Variants in SFMBT2 observed in about 807,000 individuals in gnomAD.
SFMBT2 encodes Scm like with four mbt domains 2, also known as scm-like with four MBT domains protein 2.
Under a neutral mutation model 110.1 loss-of-function variants are expected in SFMBT2, and 38 were observed. That is an observed-to-expected ratio of 0.35 (90% CI 0.27 to 0.45). The LOEUF is 0.45. Among genes scored for constraint, SFMBT2 ranks in the 20% least tolerant of loss-of-function variants. The pLI is 1.00. For missense variants in SFMBT2, 1,011 were observed against 1,094.9 expected (o/e 0.92, Z 1.08); for synonymous variants, 425 against 425.4 (o/e 1.00, Z 0.01).
chr10:7,272,766 G>T (rs951393478), intron 7 of SFMBT2, among the ~76,000 whole-genome samples: 1 of 152,118 alleles, frequency 6.6e-6, no homozygotes, highest in African/African-American at 2.4e-5. Context: ...CACTCCAGGG[G>T]CTGACCACCA....
At chr10:7,243,435 A>G (rs1204372560) in intron 9 of SFMBT2, 123 bp downstream of exon 9, 6 of 691,892 alleles carry the variant, frequency 8.7e-6, no homozygotes, top group East Asian at 7.5e-5. Context: ...AGAACGCCCT[A>G]TTTCTACTAC....
At chr10:7,373,776 G>A (rs532556324) in intron 2 of SFMBT2, among the ~76,000 whole-genome samples, 21 of 152,304 alleles carry the variant, frequency 1.4e-4, no homozygotes, top group Non-Finnish European at 2.6e-4. Flanking sequence ...GGCCACCTGC[G>A]AAGAGGAGAA....
At chr10:7,164,519 C>A (rs1175472782) in intron 20 of SFMBT2, 1 of 869,622 alleles carries the variant, frequency 1.1e-6, no homozygotes, top group African/African-American at 1.8e-5. Context: ...AATTGCTTCC[C>A]AAGCTTATCG....
At chr10:7,200,025 T>C (rs1327365541) in intron 14 of SFMBT2, among the ~76,000 whole-genome samples, 2 of 152,196 alleles carry the variant, frequency 1.3e-5, no homozygotes, top group Admixed American at 6.5e-5. Flanking sequence ...ACTTAAATAC[T>C]AACAGCAAGT....
intron 7 of SFMBT2, among the ~76,000 whole-genome samples, chr10:7,267,100 CTA>C (rs1269230765): frequency 6.6e-6 from 1 of 152,158 alleles, no homozygotes; most frequent in Non-Finnish European, 1.5e-5. Context: ...CAGAGGGTTC[CTA>C]TGTGACCAGT....
At chr10:7,341,053 G>T (rs552454481) in intron 4 of SFMBT2, among the ~76,000 whole-genome samples, 125 of 152,300 alleles carry the variant, frequency 8.2e-4, no homozygotes, top group African/African-American at 2.9e-3. Context: ...CGTGAAATGT[G>T]AAGCAGCAGA....
intron 6 of SFMBT2, among the ~76,000 whole-genome samples, chr10:7,280,053 A>G (rs999569951): frequency 3.3e-5 from 5 of 152,152 alleles, no homozygotes; most frequent in Non-Finnish European, 5.9e-5. Flanking sequence ...GGGGTCCTCA[A>G]ATGAGATCTG....
chr10:7,398,900 T>A (rs1235329514), intron 1 of SFMBT2, among the ~76,000 whole-genome samples: 1 of 152,156 alleles, frequency 6.6e-6, no homozygotes. Context: ...TAAAGAAACT[T>A]ACAAGGAAGG....
intron 7 of SFMBT2, among the ~76,000 whole-genome samples, chr10:7,265,973 A>T (rs549113545): frequency 1.5e-3 from 231 of 152,342 alleles, no homozygotes; most frequent in African/African-American, 5.4e-3. Context: ...AATTTAAAAA[A>T]TAAAAGGCAA....
rs1219007491 is a variant in SFMBT2 at position 7,243,585 on chromosome 10, T to G, written c.1093A>C (p.Asn365His). The G allele has an allele frequency of 3.4e-6, 3 of 872,798 alleles. No individual in the cohort carries two copies. Among genetic ancestry groups the G allele is most frequent in the Non-Finnish European group, 6.0e-6 (3 of 501,676 alleles). The allele number at this position is 872,798 out of a possible 1,614,324, so 54.1% of individuals were successfully genotyped here. Reference protein sequence around the residue: ...GILPVQWCLKNGVSLTPPKGY... With the variant: ...GILPVQWCLKHGVSLTPPKGY... ...TTGGGAGGAGTGAGGCTGACTCCAT[T>G]TTTAAGGCACCACTGTACTGGCAAA... The change falls in exon 9 of 21, where the codon AAT (asparagine) becomes CAT (histidine). Residue 365 changes from asparagine (N) to histidine (H), a missense_variant. By Grantham distance (68) the Asn-to-His change is moderately conservative (BLOSUM62 1). Around this residue, in one of 2 missense-constraint regions of SFMBT2, gnomAD observed 979 missense variants for 1,016.1 expected, o/e 0.96. Transcript: ENST00000397167.
At chr10:7,375,255 C>T (rs905264216) in intron 2 of SFMBT2, among the ~76,000 whole-genome samples, 4 of 152,076 alleles carry the variant, frequency 2.6e-5, no homozygotes, top group South Asian at 2.1e-4. Context: ...GTGTAAGTGA[C>T]GTGAGAGTGA....
Position 7,171,206 on chromosome 10 carries a change from T to A in SFMBT2, c.2416-150A>T. 1 of 1,398,030 alleles carries A rather than the reference T, an allele frequency of 7.2e-7. No homozygotes were observed. Among genetic ancestry groups the A allele is most frequent in the Admixed American group, 2.0e-5 (1 of 48,828 alleles). 86.6% of individuals were successfully genotyped at this position (1,398,030 alleles called of 1,614,324 possible). A position where few individuals can be genotyped will look rare whatever the true frequency, so the allele number is the denominator to read the frequency against. Reference sequence around the variant, plus strand: ...GCACCTGAAAAAGCTGCACACACTCTCAGTCCCTGAGAAAGTTCTTGGCTC... The same window carrying A: ...GCACCTGAAAAAGCTGCACACACTCACAGTCCCTGAGAAAGTTCTTGGCTC... On this transcript the variant is annotated intron_variant, in intron 19 of 20. Transcript: ENST00000397167. The surrounding 1 kb of genome is among the most constrained non-coding windows in gnomAD (Gnocchi z 4.9).
At chr10:7,405,908 C>T (rs1846198827) in intron 1 of SFMBT2, among the ~76,000 whole-genome samples, 1 of 146,692 alleles carries the variant, frequency 6.8e-6, no homozygotes, top group African/African-American at 2.5e-5. Context: ...TGAATACACA[C>T]ATTGACTTCC....
chr10:7,324,597 A>C (rs1437083709), intron 4 of SFMBT2, among the ~76,000 whole-genome samples: 1 of 152,202 alleles, frequency 6.6e-6, no homozygotes, highest in Non-Finnish European at 1.5e-5. Context: ...TATGGTCCCA[A>C]GGGAATGGTT....
chr10:7,237,631 C>T (rs1217796591), intron 9 of SFMBT2, among the ~76,000 whole-genome samples: 1 of 152,116 alleles, frequency 6.6e-6, no homozygotes, highest in Non-Finnish European at 1.5e-5. Flanking sequence ...TCAACCTCAA[C>T]AAATACCTAC....
intron 20 of SFMBT2, among the ~76,000 whole-genome samples, chr10:7,168,794 C>G (rs1019644791): frequency 1.3e-5 from 2 of 152,216 alleles, no homozygotes; most frequent in African/African-American, 4.8e-5. Flanking sequence ...AATTGTCTTT[C>G]TTTCCTGTTT....
chr10:7,233,859 G>A (rs1476246198), intron 9 of SFMBT2, among the ~76,000 whole-genome samples: 1 of 152,196 alleles, frequency 6.6e-6, no homozygotes, highest in Non-Finnish European at 1.5e-5. Context: ...GCCCTGGCAG[G>A]GAGGCAAGAT....
rs929790168 is a variant in SFMBT2, at chr10:7,160,967, G to A, written c.*2803C>T. The A allele has an allele frequency of 1.3e-5, 2 of 152,218 alleles. No homozygotes were observed. The highest frequency in any genetic ancestry group is 2.9e-5 in the Non-Finnish European group (2 of 68,064). 9.4% of individuals were successfully genotyped at this position (152,218 alleles called of 1,614,324 possible). ...GAGATGGCACAGAGACAACTTTCAT[G>A]GCGACGCCAGGCTGCGCCCTCCTGT... is the stretch of plus-strand genomic sequence containing the variant. On this transcript the variant is annotated 3_prime_UTR_variant, in exon 21 of 21. Transcript: ENST00000397167.
At chr10:7,273,095 C>T (rs576455363) in intron 7 of SFMBT2, among the ~76,000 whole-genome samples, 1 of 152,190 alleles carries the variant, frequency 6.6e-6, no homozygotes, top group Non-Finnish European at 1.5e-5. Flanking sequence ...AACGCCCCAG[C>T]CAAAACCTCT....
Sources: allele counts gnomAD v4.1 joint callset (sites outside exome capture counted in the v4.1 genomes callset), GRCh38; gene constraint gnomAD v4.1.1; regional missense constraint gnomAD v4.1.1; non-coding constraint Gnocchi (gnomAD v3.1); transcripts MANE v1.5; gene names NCBI Gene and HGNC (gene_info 2026-07-23, HGNC 2026-07-21).